Variants in RIOK3 observed in about 807,000 individuals in gnomAD.
The protein encoded by RIOK3 is RIO kinase 3.
In RIOK3, 40 loss-of-function variants were observed where a neutral mutation model predicts 63.5. That is an observed-to-expected ratio of 0.63 (90% CI 0.49 to 0.82). The LOEUF is 0.82. Among genes scored for constraint, RIOK3 ranks in the 40% least tolerant of loss-of-function variants. The probability of loss-of-function intolerance (pLI) is 0.00; values close to 1 mark genes in which losing one functional copy is unlikely to be tolerated. For missense variants in RIOK3, 557 were observed against 637.0 expected (o/e 0.87, Z 1.35); for synonymous variants, 193 against 205.0 (o/e 0.94, Z 0.50).
intron 7 of RIOK3, among the ~76,000 whole-genome samples, chr18:23,470,358 C>G (rs930410436): frequency 1.3e-5 from 2 of 150,560 alleles, no homozygotes; most frequent in African/African-American, 2.4e-5. Flanking sequence ...GAGCAAGATT[C>G]CGTCTCAAAA....
rs1046977747 is a variant in RIOK3, at chr18:23,476,310, T to G, written c.1174-696T>G. Among the ~76,000 whole-genome samples the G allele has an allele frequency of 5.3e-5, 8 of 152,220 alleles. No homozygotes were observed. The East Asian group carries it at 1.5e-3, about 29-fold the overall frequency. ...AATACTGCCATTATCCCTCTGTGTTTTAATTGAACACTGGAGAAACTTAAT... is the reference window on the plus strand; with the variant it reads ...AATACTGCCATTATCCCTCTGTGTTGTAATTGAACACTGGAGAAACTTAAT... On this transcript the variant is annotated intron_variant, in intron 9 of 12. Coordinates refer to ENST00000339486, the MANE Select transcript of RIOK3 (RefSeq NM_003831.5).
intron 12 of RIOK3, among the ~76,000 whole-genome samples, chr18:23,480,555 G>GCACACACACA (rs59552026): frequency 0.088 from 12,484 of 141,894 alleles, 651 homozygotes; most frequent in East Asian, 0.17. Context: ...TTGGATGCAC[G>GCACACACACA]CACACACACA....
chr18:23,480,931 CA>C (rs1285846231), intron 12 of RIOK3, among the ~76,000 whole-genome samples: 1 of 152,028 alleles, frequency 6.6e-6, no homozygotes, highest in Non-Finnish European at 1.5e-5. Context: ...ACTAAAAATA[CA>C]AAAATTAGCT....
chr18:23,454,155 T>C (rs147595944), intron 1 of RIOK3, among the ~76,000 whole-genome samples: 229 of 152,346 alleles, frequency 1.5e-3, no homozygotes, highest in African/African-American at 5.2e-3. Flanking sequence ...CATGATACTT[T>C]GATTATATGG....
In RIOK3 at chr18:23,481,242, A is replaced by G; in HGVS notation, c.1523A>G (p.Lys508Arg). Residue 508 changes from lysine (K) to arginine (R), a missense_variant, in exon 13 of 13, where the codon AAA (lysine) becomes AGA (arginine). Lys to Arg is a conservative substitution (Grantham distance 26). Coordinates refer to ENST00000339486, the MANE Select transcript of RIOK3 (RefSeq NM_003831.5). Reference protein sequence around the residue: ...KNGRKAASFLKDDGDPPLLYD... With the variant: ...KNGRKAASFLRDDGDPPLLYD... Reference sequence around the variant, plus strand: ...GGAAGGAAAGCTGCTTCATTTTTGAAAGATGATGGAGACCCACCACTACTA... The same window carrying G: ...GGAAGGAAAGCTGCTTCATTTTTGAGAGATGATGGAGACCCACCACTACTA... 1 of 1,611,598 alleles carries G rather than the reference A, an allele frequency of 6.2e-7. No homozygotes were observed. Among genetic ancestry groups the G allele is most frequent in the Non-Finnish European group, 8.5e-7 (1 of 1,178,550 alleles).
At chr18:23,469,790 G>T (rs1224200820) in intron 7 of RIOK3, among the ~76,000 whole-genome samples, 3 of 152,016 alleles carry the variant, frequency 2.0e-5, no homozygotes, top group Admixed American at 2.0e-4. Context: ...CTGGGTCAAA[G>T]CTCTGGTTTC....
rs896288395 is a variant in RIOK3 at position 23,482,141 on chromosome 18, A to T, written c.*862A>T. ...AAAATTCAGTTTATATTTCACTAGAACTGTGTACTTGATTGATTTTCAGAG... is the reference window on the plus strand; with the variant it reads ...AAAATTCAGTTTATATTTCACTAGATCTGTGTACTTGATTGATTTTCAGAG... On this transcript the variant is annotated 3_prime_UTR_variant, in exon 13 of 13. Transcript: ENST00000339486. 2.0e-5 allele frequency: 3 copies of T among 152,222 alleles called. No individual in the cohort carries two copies. Among genetic ancestry groups the T allele is most frequent in the Non-Finnish European group, 4.4e-5 (3 of 68,034 alleles). The allele number at this position is 152,222 out of a possible 1,614,324, so 9.4% of individuals were successfully genotyped here. A position where few individuals can be genotyped will look rare whatever the true frequency, so the allele number is the denominator to read the frequency against.
intron 8 of RIOK3, among the ~76,000 whole-genome samples, chr18:23,474,094 A>G (rs2057473929): frequency 6.6e-6 from 1 of 152,248 alleles, no homozygotes. Context: ...CAAGAAATTC[A>G]GTAATAATCC....
chr18:23,471,448 C>T (rs557190670), intron 7 of RIOK3, among the ~76,000 whole-genome samples: 23 of 152,264 alleles, frequency 1.5e-4, no homozygotes, highest in African/African-American at 5.3e-4. Flanking sequence ...GGGGCTGGAC[C>T]AGGTAGGATT....
chr18:23,462,141 T>TA (rs200277669), intron 1 of RIOK3, among the ~76,000 whole-genome samples: 1,499 of 23,822 alleles, frequency 0.063, 48 homozygotes, highest in African/African-American at 0.18. Context: ...TTGTTCTTGC[T>TA]ATTTTTTTTT....
intron 1 of RIOK3, among the ~76,000 whole-genome samples, chr18:23,458,544 A>C (rs1568379771): frequency 6.6e-6 from 1 of 152,240 alleles, no homozygotes; most frequent in Non-Finnish European, 1.5e-5. Context: ...GGGGTGTCCC[A>C]TCAGATTGTG....
chr18:23,482,123 A>T lies in RIOK3; in HGVS notation c.*844A>T, dbSNP rs528290158. The T allele has an allele frequency of 6.6e-6, 1 of 152,244 alleles. No individual in the cohort carries two copies. Among genetic ancestry groups the T allele is most frequent in the Non-Finnish European group, 1.5e-5 (1 of 68,034 alleles). The allele number at this position is 152,244 out of a possible 1,614,324, so 9.4% of individuals were successfully genotyped here. A position where few individuals can be genotyped will look rare whatever the true frequency, so the allele number is the denominator to read the frequency against. Reference sequence around the variant, plus strand: ...TAATTTAGTTAATGAAGCAAAATTCAGTTTATATTTCACTAGAACTGTGTA... The same window carrying T: ...TAATTTAGTTAATGAAGCAAAATTCTGTTTATATTTCACTAGAACTGTGTA... On this transcript the variant is annotated 3_prime_UTR_variant, in exon 13 of 13. Coordinates refer to ENST00000339486, the MANE Select transcript of RIOK3 (RefSeq NM_003831.5).
In RIOK3 at chr18:23,473,423, A is replaced by C; in HGVS notation, c.816-6A>C. 1 of 1,589,962 alleles carries C rather than the reference A, an allele frequency of 6.3e-7. No individual in the cohort carries two copies. Among genetic ancestry groups the C allele is most frequent in the Non-Finnish European group, 8.6e-7 (1 of 1,166,960 alleles). On this transcript the variant is annotated splice_region_variant and splice_polypyrimidine_tract_variant and intron_variant, in intron 7 of 12. Transcript: ENST00000339486. ...GTACTGACTTGATTTTTTTTCTTCC[A>C]CTTAGCATGGAGGATGAAAAGGAAG...
intron 7 of RIOK3, among the ~76,000 whole-genome samples, chr18:23,470,424 A>G (rs565753192): frequency 6.6e-6 from 1 of 152,294 alleles, no homozygotes; most frequent in Non-Finnish European, 1.5e-5. Context: ...TATATACAGT[A>G]TATCATCTAT....
chr18:23,481,500 A>T lies in RIOK3; in HGVS notation c.*221A>T. 2 of 407,528 alleles carry T rather than the reference A, an allele frequency of 4.9e-6. No homozygotes were observed. Among genetic ancestry groups the T allele is most frequent in the South Asian group, 7.0e-5 (1 of 14,226 alleles). The allele number at this position is 407,528 out of a possible 1,614,324, so 25.2% of individuals were successfully genotyped here. On this transcript the variant is annotated 3_prime_UTR_variant, in exon 13 of 13. Transcript: ENST00000339486. ...CTCATCTTATGAACAGGATAATATA[A>T]TTCTTTAACAGCTATAGGTTATCTG... is the stretch of plus-strand genomic sequence containing the variant.
chr18:23,455,455 C>T (rs1469562745), intron 1 of RIOK3, among the ~76,000 whole-genome samples: 4 of 147,586 alleles, frequency 2.7e-5, no homozygotes, highest in Non-Finnish European at 6.0e-5. Context: ...TGCAGTGGCG[C>T]GATCTCGGCT....
chr18:23,469,056 TCA>T (rs1334651677), intron 7 of RIOK3, among the ~76,000 whole-genome samples: 1 of 152,214 alleles, frequency 6.6e-6, no homozygotes, highest in Non-Finnish European at 1.5e-5. Flanking sequence ...TGGGGCCGTC[TCA>T]CAGGCCTCTT....
Position 23,481,703 on chromosome 18 carries a change from A to G in RIOK3, c.*424A>G, listed in dbSNP as rs934020816. On this transcript the variant is annotated 3_prime_UTR_variant, in exon 13 of 13. Coordinates refer to ENST00000339486, the MANE Select transcript of RIOK3 (RefSeq NM_003831.5). ...TTTTGTGTTGCGTCTTTCCTTGAAT[A>G]TTTTATTGGCCCAGAGTTAGCCTTT... 5 of 153,546 alleles carry G rather than the reference A, an allele frequency of 3.3e-5. No homozygotes were observed. Among genetic ancestry groups the G allele is most frequent in the African/African-American group, 1.2e-4 (5 of 41,474 alleles). 9.5% of individuals were successfully genotyped at this position (153,546 alleles called of 1,614,324 possible).
chr18:23,465,561 A>G (rs2057401183), intron 5 of RIOK3, among the ~76,000 whole-genome samples: 1 of 152,192 alleles, frequency 6.6e-6, no homozygotes, highest in African/African-American at 2.4e-5. Context: ...TGGTAATGGA[A>G]ATGTTCTGTA....
Sources: gnomAD v4.1 joint callset for allele counts (sites outside exome capture counted in the v4.1 genomes callset) on GRCh38, gnomAD v4.1.1 for gene constraint, MANE v1.5 for transcripts, NCBI Gene and HGNC (gene_info 2026-07-23, HGNC 2026-07-21) for gene names.